CASQ2: variants seen among roughly 807,000 people sequenced by gnomAD.
The protein encoded by CASQ2 is calsequestrin-2.
CASQ2 carries 49 observed loss-of-function variants against 46.5 expected under a neutral mutation model. The observed-to-expected ratio is 1.05, with a 90% CI of 0.84 to 1.34. The LOEUF (loss-of-function observed/expected upper bound fraction) is 1.34, where lower values mean the gene tolerates loss of function less well. Among genes scored for constraint, CASQ2 ranks in the 40% most tolerant of loss-of-function variants. The probability of loss-of-function intolerance (pLI) is 0.00; values close to 1 mark genes in which losing one functional copy is unlikely to be tolerated. For synonymous variants in CASQ2, 174 were observed against 168.5 expected (o/e 1.03, Z -0.25); for missense variants, 486 against 481.3 (o/e 1.01, Z -0.09).
At chr1:115,740,102 G>T (rs1648127215) in intron 3 of CASQ2, among the ~76,000 whole-genome samples, 1 of 152,168 alleles carries the variant, frequency 6.6e-6, no homozygotes, top group Non-Finnish European at 1.5e-5. Context: ...TCATCGGCAT[G>T]GATGCTCAAC....
intron 7 of CASQ2, among the ~76,000 whole-genome samples, chr1:115,721,870 C>T (rs1253034254): frequency 6.6e-6 from 1 of 152,150 alleles, no homozygotes; most frequent in African/African-American, 2.4e-5. Flanking sequence ...CTTGCCTGGC[C>T]AAAAAGACTT....
intron 8 of CASQ2, among the ~76,000 whole-genome samples, chr1:115,715,727 A>C (rs770037293): frequency 3.9e-5 from 6 of 152,196 alleles, no homozygotes; most frequent in Non-Finnish European, 8.8e-5. Context: ...TATGATAAAA[A>C]ATGTGGGTTT....
At chr1:115,768,108 T>C (rs913308888) in intron 1 of CASQ2, among the ~76,000 whole-genome samples, 200 bp downstream of exon 1, 1 of 152,112 alleles carries the variant, frequency 6.6e-6, no homozygotes, top group African/African-American at 2.4e-5. Flanking sequence ...TCCTCTTCAT[T>C]TGAAGAGTTA....
At chr1:115,753,060 AG>A (rs1557803195) in intron 1 of CASQ2, among the ~76,000 whole-genome samples, 1 of 152,220 alleles carries the variant, frequency 6.6e-6, no homozygotes, top group African/African-American at 2.4e-5. Flanking sequence ...AACAAAGTGG[AG>A]GACACACAGT....
chr1:115,732,378 C>T (rs908513387), intron 5 of CASQ2, among the ~76,000 whole-genome samples: 6 of 152,298 alleles, frequency 3.9e-5, no homozygotes, highest in African/African-American at 1.4e-4. Context: ...TGGGCCATGT[C>T]TACAGAAGTG....
In CASQ2 at chr1:115,744,791, T is replaced by C. The variant is rs759863583; in HGVS notation, c.319+37A>G. The C allele has an allele frequency of 7.9e-6, 11 of 1,401,014 alleles. No individual in the cohort carries two copies. The African/African-American group carries it at 8.5e-5, about 11-fold the overall frequency. 86.8% of individuals were successfully genotyped at this position (1,401,014 alleles called of 1,614,324 possible). ...TTTCCTTTTGCAAGACACATTCGTT[T>C]CTTTCCCACATACAGTATCTCAAAA... On this transcript the variant is annotated intron_variant, in intron 2 of 10. Transcript: ENST00000261448.
At position 115,700,593 on chromosome 1, in the gene CASQ2, C is replaced by G. The variant is rs936267523; in HGVS notation, c.*648G>C. On this transcript the variant is annotated 3_prime_UTR_variant, in exon 11 of 11. Transcript: ENST00000261448. Reference sequence around the variant, plus strand: ...AATATACTAGAAATGATGGTGACACCTGTACACATTTCAAGCCCTCTCCAT... The same window carrying G: ...AATATACTAGAAATGATGGTGACACGTGTACACATTTCAAGCCCTCTCCAT... The G allele has an allele frequency of 1.2e-5, 2 of 167,542 alleles. No individual in the cohort carries two copies. Among genetic ancestry groups the G allele is most frequent in the African/African-American group, 4.8e-5 (2 of 41,728 alleles). The allele number at this position is 167,542 out of a possible 1,614,324, so 10.4% of individuals were successfully genotyped here.
rs536098049 is a variant in CASQ2 at position 115,762,073 on chromosome 1, C to T, written c.234+6235G>A. Among the ~76,000 whole-genome samples, 21 of 152,270 alleles carry T rather than the reference C, an allele frequency of 1.4e-4. No homozygotes were observed. In the South Asian group the frequency reaches 3.1e-3, roughly 23 times the overall value. ...CAGAAGAACTACACCAAGTGTACAC[C>T]GGGCAGCAGCCTTAGACTTTGAACT... On this transcript the variant is annotated intron_variant, in intron 1 of 10. Coordinates refer to ENST00000261448, the MANE Select transcript of CASQ2 (RefSeq NM_001232.4).
intron 1 of CASQ2, among the ~76,000 whole-genome samples, chr1:115,760,023 C>G (rs747250187): frequency 1.5e-4 from 23 of 152,174 alleles, no homozygotes; most frequent in Non-Finnish European, 2.4e-4. Context: ...CTAAGGAGGT[C>G]CAAAGGATTA....
At chr1:115,722,139 A>G (rs1396289528) in intron 7 of CASQ2, among the ~76,000 whole-genome samples, 1 of 152,156 alleles carries the variant, frequency 6.6e-6, no homozygotes, top group Non-Finnish European at 1.5e-5. Flanking sequence ...GGGGCTGACT[A>G]GGTCTGGTTA....
In CASQ2 at chr1:115,765,268, G is replaced by T. The variant is rs368912909; in HGVS notation, c.234+3040C>A. On this transcript the variant is annotated intron_variant, in intron 1 of 10. Transcript: ENST00000261448. ...CCAGGGCCCCAACAAAAATTAGGTGGCAGATGCATGACTAATTGAATGGTA... is the reference window on the plus strand; with the variant it reads ...CCAGGGCCCCAACAAAAATTAGGTGTCAGATGCATGACTAATTGAATGGTA... 2.0e-5 allele frequency among the ~76,000 whole-genome samples: 3 copies of T among 152,298 alleles called. No individual in the cohort carries two copies. In the East Asian group the frequency reaches 5.8e-4, roughly 29 times the overall value.
intron 2 of CASQ2, among the ~76,000 whole-genome samples, chr1:115,741,592 C>A (rs968115620): frequency 2.0e-5 from 3 of 152,146 alleles, no homozygotes; most frequent in African/African-American, 7.2e-5. Context: ...CATCAGCAAC[C>A]CATTAATGTA....
chr1:115,703,205 A>G (rs1654264767), intron 9 of CASQ2, among the ~76,000 whole-genome samples: 1 of 152,214 alleles, frequency 6.6e-6, no homozygotes, highest in African/African-American at 2.4e-5. Flanking sequence ...AATTATGGAA[A>G]CATGTGTCTG....
intron 1 of CASQ2, among the ~76,000 whole-genome samples, chr1:115,757,366 G>C (rs1419616935): frequency 6.6e-6 from 1 of 152,166 alleles, no homozygotes; most frequent in African/African-American, 2.4e-5. Context: ...CTCTATGAGA[G>C]GCTTTGTTCT....
chr1:115,705,219 C>T lies in CASQ2; in HGVS notation c.912G>A (p.Leu304=), dbSNP rs146074006. ...DNTDNPDLSI[L]WIDPDDFPLL... ...GAGGAAAGTCGTCCGGGTCGATCCA[C>T]AGGATGCTCAGATCGGGGTTGTCAG... Residue 304 remains leucine (L), a synonymous_variant, in exon 9 of 11, where the codon CTG becomes CTA. Transcript: ENST00000261448. The T allele has an allele frequency of 1.1e-5, 18 of 1,613,684 alleles. No individual in the cohort carries two copies. The highest frequency in any genetic ancestry group is 8.3e-5 in the Admixed American group (5 of 60,014).
chr1:115,711,124 G>C (rs547225513), intron 8 of CASQ2, among the ~76,000 whole-genome samples: 1 of 152,310 alleles, frequency 6.6e-6, no homozygotes, highest in African/African-American at 2.4e-5. Flanking sequence ...CCCCACTCCT[G>C]GGGGAGCTGG....
At chr1:115,724,763 A>T (rs1439368218) in intron 7 of CASQ2, among the ~76,000 whole-genome samples, 1 of 152,206 alleles carries the variant, frequency 6.6e-6, no homozygotes, top group Non-Finnish European at 1.5e-5. Context: ...ATTCATCCTT[A>T]TAAAAAGTCC....
rs373105181 is a variant in CASQ2 at position 115,742,462 on chromosome 1, C to T, written c.320-1634G>A. Among the ~76,000 whole-genome samples the T allele has an allele frequency of 4.8e-4, 73 of 152,218 alleles. No individual in the cohort carries two copies. In the East Asian group the frequency reaches 0.012, roughly 25 times the overall value. On this transcript the variant is annotated intron_variant, in intron 2 of 10. Coordinates refer to ENST00000261448, the MANE Select transcript of CASQ2 (RefSeq NM_001232.4). ...TGGAAAAGAAATGAAGATGAAGGAG[C>T]AGGTTCACAAAATACCTCCACTCTC...
intron 1 of CASQ2, among the ~76,000 whole-genome samples, chr1:115,745,689 C>T (rs1405425495): frequency 6.6e-6 from 1 of 152,118 alleles, no homozygotes; most frequent in East Asian, 1.9e-4. Context: ...TGAACAGGGA[C>T]TTGAAACAGA....
Sources: gnomAD v4.1 joint callset for allele counts (sites outside exome capture counted in the v4.1 genomes callset) on GRCh38, gnomAD v4.1.1 for gene constraint, MANE v1.5 for transcripts, NCBI Gene and HGNC (gene_info 2026-07-23, HGNC 2026-07-21) for gene names.